The following GPATCH8 variants were observed in gnomAD, a reference collection of about 807,000 sequenced individuals.
GPATCH8 encodes G patch domain-containing protein 8.
GPATCH8 carries 18 observed loss-of-function variants against 118.3 expected under a neutral mutation model. The ratio of observed to expected loss-of-function variants is 0.15; its 90% CI spans 0.11 to 0.23. The LOEUF is 0.23. Among genes scored for constraint, GPATCH8 ranks in the 10% least tolerant of loss-of-function variants. GPATCH8 has a pLI of 1.00. For missense variants in GPATCH8, 1,631 were observed against 1,873.8 expected, an observed-to-expected ratio of 0.87 and a Z score of 2.39; for synonymous variants, 659 against 684.7, an observed-to-expected ratio of 0.96 and a Z score of 0.59.
At chr17:44,405,882 T>C (rs1441598839) in intron 7 of GPATCH8, 39 bp downstream of exon 7, 3 of 1,391,248 alleles carry the variant, frequency 2.2e-6, no homozygotes, top group African/African-American at 2.8e-5. Flanking sequence ...TTAAGGATTA[T>C]AATTATCTGT....
chr17:44,450,055 G>C (rs1447460273), intron 3 of GPATCH8, among the ~76,000 whole-genome samples: 3 of 152,096 alleles, frequency 2.0e-5, no homozygotes, highest in Admixed American at 6.5e-5. Context: ...TTTAATTCCT[G>C]ACACCCCCAA....
chr17:44,480,443 C>T (rs564501262), intron 1 of GPATCH8, among the ~76,000 whole-genome samples: 1 of 151,804 alleles, frequency 6.6e-6, no homozygotes, highest in Non-Finnish European at 1.5e-5. Flanking sequence ...TGGCCAGGCG[C>T]GGTGGTTCAC....
intron 3 of GPATCH8, among the ~76,000 whole-genome samples, chr17:44,441,979 C>T (rs2050706935): frequency 1.3e-5 from 2 of 151,364 alleles, no homozygotes; most frequent in Non-Finnish European, 2.9e-5. Flanking sequence ...AGTGAGCTGA[C>T]ATCGTACCAT....
At chr17:44,452,602 T>C (rs1252363402) in intron 3 of GPATCH8, among the ~76,000 whole-genome samples, 1 of 152,188 alleles carries the variant, frequency 6.6e-6, no homozygotes, top group Non-Finnish European at 1.5e-5. Flanking sequence ...TCTATACTCA[T>C]ACCCAGACAA....
chr17:44,439,069 A>G (rs1196262532), intron 3 of GPATCH8, among the ~76,000 whole-genome samples: 2 of 152,206 alleles, frequency 1.3e-5, no homozygotes, highest in East Asian at 3.8e-4. Flanking sequence ...TTTAAAAGAA[A>G]TGACATCTAA....
chr17:44,462,284 A>G (rs976935843), intron 3 of GPATCH8, among the ~76,000 whole-genome samples: 7 of 152,204 alleles, frequency 4.6e-5, no homozygotes, highest in Admixed American at 3.9e-4. Flanking sequence ...GGTATTTCAA[A>G]TTGGAGAGAA....
rs745540283 is a variant in GPATCH8 at position 44,399,963 on chromosome 17, CCT to C, written c.2112_2113del (p.Lys707IlefsTer2). ...TTTCTTGCGCTTCTTAGATTTCTCCCCTGACTCTGCCTTAGAGCTTTTCTCTT... is the reference window on the plus strand; with the variant it reads ...TTTCTTGCGCTTCTTAGATTTCTCCCGACTCTGCCTTAGAGCTTTTCTCTT... On this transcript the variant is annotated frameshift_variant, in exon 8 of 8. Transcript: ENST00000591680. LOFTEE classifies it high-confidence loss of function. The C allele has an allele frequency of 1.2e-6, 2 of 1,614,016 alleles. No individual in the cohort carries two copies. Among genetic ancestry groups the C allele is most frequent in the Non-Finnish European group, 1.7e-6 (2 of 1,179,996 alleles).
chr17:44,492,153 T>G (rs905373766), intron 1 of GPATCH8, among the ~76,000 whole-genome samples: 4 of 151,278 alleles, frequency 2.6e-5, no homozygotes, highest in Non-Finnish European at 5.9e-5. Context: ...TACAAAAAAT[T>G]AGCCAGGCGT....
intron 6 of GPATCH8, among the ~76,000 whole-genome samples, chr17:44,417,189 C>T (rs1172861296): frequency 3.3e-5 from 5 of 152,026 alleles, no homozygotes; most frequent in African/African-American, 4.8e-5. Context: ...TATGTTACTG[C>T]GTAATGAAAC....
intron 5 of GPATCH8, among the ~76,000 whole-genome samples, chr17:44,424,805 A>G (rs1239121445): frequency 2.0e-5 from 3 of 152,258 alleles, no homozygotes; most frequent in Non-Finnish European, 4.4e-5. Context: ...AGCATTTTGG[A>G]TAAGGGATAT....
In GPATCH8 at chr17:44,395,511, A is replaced by T. The variant is rs2048747735; in HGVS notation, c.*2057T>A. On this transcript the variant is annotated 3_prime_UTR_variant, in exon 8 of 8. Coordinates refer to ENST00000591680, the MANE Select transcript of GPATCH8 (RefSeq NM_001002909.4). ...ACAAGCTAATGGGAAGCAGCACGAA[A>T]ATGTTAATACTGTATTATTTATTTA... The T allele has an allele frequency of 2.2e-6, 1 of 454,514 alleles. No homozygotes were observed. The highest frequency in any genetic ancestry group is 4.4e-6 in the Non-Finnish European group (1 of 226,790). The allele number at this position is 454,514 out of a possible 1,614,324, so 28.2% of individuals were successfully genotyped here. A position where few individuals can be genotyped will look rare whatever the true frequency, so the allele number is the denominator to read the frequency against.
chr17:44,497,991 T>G (rs544641855), intron 1 of GPATCH8, among the ~76,000 whole-genome samples: 5 of 152,278 alleles, frequency 3.3e-5, no homozygotes, highest in Admixed American at 3.3e-4. Context: ...TTAAAAATTT[T>G]TATCATGTAC....
intron 3 of GPATCH8, 25 bp from the exon 4 acceptor site, chr17:44,436,570 G>GT (rs763903368): frequency 1.8e-5 from 22 of 1,215,602 alleles, no homozygotes; most frequent in Non-Finnish European, 2.6e-5. Flanking sequence ...CATAATCAAG[G>GT]TAAGGTGCAA....
At chr17:44,417,113 T>C (rs2049715330) in intron 6 of GPATCH8, among the ~76,000 whole-genome samples, 2 of 152,036 alleles carry the variant, frequency 1.3e-5, no homozygotes, top group South Asian at 2.1e-4. Context: ...CTCACTGCAA[T>C]GTCCACCTCC....
At chr17:44,409,934 A>C (rs2143746794) in intron 6 of GPATCH8, among the ~76,000 whole-genome samples, 1 of 152,272 alleles carries the variant, frequency 6.6e-6, no homozygotes, top group South Asian at 2.1e-4. Context: ...TTTTCCTCAA[A>C]TAATTTTTTC....
rs1270572549 is a variant in GPATCH8 at position 44,398,905 on chromosome 17, T to G, written c.3172A>C (p.Ser1058Arg). ...GKKDDGRGDD[S>R]KATGPPSQNS... ...TGGGAAGGTGGACCTGTTGCTTTAC[T>G]GTCATCTCCTCTGCCATCATCTTTC... Residue 1058 changes from serine to arginine, a missense_variant, in exon 8 of 8, where the codon AGT becomes CGT. By Grantham distance (110) the Ser-to-Arg change is moderately radical. Coordinates refer to ENST00000591680, the MANE Select transcript of GPATCH8 (RefSeq NM_001002909.4). 1.9e-6 allele frequency: 3 copies of G among 1,614,178 alleles called. No individual in the cohort carries two copies. In the East Asian group the frequency reaches 6.7e-5, roughly 36 times the overall value.
At chr17:44,460,958 C>T (rs747320172) in intron 3 of GPATCH8, among the ~76,000 whole-genome samples, 10 of 152,092 alleles carry the variant, frequency 6.6e-5, no homozygotes, top group Non-Finnish European at 1.0e-4. Flanking sequence ...CTGCTGAATC[C>T]GACACTAGGA....
chr17:44,434,038 G>A (rs2050411931), intron 5 of GPATCH8, among the ~76,000 whole-genome samples: 1 of 151,914 alleles, frequency 6.6e-6, no homozygotes, highest in Non-Finnish European at 1.5e-5. Context: ...CTACTCGGAG[G>A]CTAAGGCACG....
intron 2 of GPATCH8, among the ~76,000 whole-genome samples, chr17:44,472,038 A>G (rs574519950): frequency 1.3e-5 from 2 of 150,476 alleles, no homozygotes; most frequent in African/African-American, 4.9e-5. Context: ...CCTGTGCCCT[A>G]CTTCTACCTA....
Sources: allele counts gnomAD v4.1 joint callset (sites outside exome capture counted in the v4.1 genomes callset), GRCh38; gene constraint gnomAD v4.1.1; transcripts MANE v1.5; gene names NCBI Gene and HGNC (gene_info 2026-07-23, HGNC 2026-07-21).